Variants in STARD9 observed in about 807,000 individuals in gnomAD.
STARD9 encodes StAR related lipid transfer domain containing 9, also known as stAR-related lipid transfer protein 9.
A neutral mutation model predicts 399.8 loss-of-function variants in STARD9; 346 were observed. The observed-to-expected ratio is 0.87, with a 90% confidence interval of 0.79 to 0.95. The LOEUF is 0.95. STARD9 is among the 40% of genes least tolerant of loss of function. The probability of loss-of-function intolerance (pLI) is 0.00; values close to 1 mark genes in which losing one functional copy is unlikely to be tolerated. For synonymous variants in STARD9, 2,203 were observed against 2,143.5 expected, an observed-to-expected ratio of 1.03 and a Z score of -0.77; for missense variants, 5,832 against 5,667.5, an observed-to-expected ratio of 1.03 and a Z score of -0.93.
At chr15:42,581,315 A>C in intron 1 of STARD9, 1 of 1,275,238 alleles carries the variant, frequency 7.8e-7, no homozygotes, top group Non-Finnish European at 1.1e-6. Flanking sequence ...GATCCAACAG[A>C]AACTTTCTAT....
chr15:42,676,512 A>G (rs1344759916), intron 20 of STARD9, among the ~76,000 whole-genome samples: 2 of 152,230 alleles, frequency 1.3e-5, no homozygotes, highest in Non-Finnish European at 2.9e-5. Context: ...TATAGGAACA[A>G]TATGAAAATA....
At chr15:42,666,041 C>T (rs1356120406) in intron 15 of STARD9, among the ~76,000 whole-genome samples, 193 bp downstream of exon 15, 3 of 152,196 alleles carry the variant, frequency 2.0e-5, no homozygotes, top group Non-Finnish European at 2.9e-5. Context: ...TTCTGACTTT[C>T]TGTATTGTTC....
At chr15:42,711,438 G>A (rs936839162) in intron 26 of STARD9, among the ~76,000 whole-genome samples, 1 of 152,300 alleles carries the variant, frequency 6.6e-6, no homozygotes. Flanking sequence ...ACTGCACCCA[G>A]CTCCACATAG....
chr15:42,602,774 T>C (rs963831217), intron 3 of STARD9, among the ~76,000 whole-genome samples: 3 of 152,346 alleles, frequency 2.0e-5, no homozygotes, highest in South Asian at 4.1e-4. Context: ...ATCAGCCTGA[T>C]TGGTTGTAGA....
intron 9 of STARD9, among the ~76,000 whole-genome samples, chr15:42,658,594 T>G (rs1472888010): frequency 6.6e-6 from 1 of 151,850 alleles, no homozygotes; most frequent in African/African-American, 2.4e-5. Context: ...GTGATTCTCC[T>G]GCCTCAGCCA....
intron 20 of STARD9, 109 bp from the exon 21 acceptor site, chr15:42,681,313 C>T (rs1475374443): frequency 2.6e-6 from 3 of 1,166,364 alleles, no homozygotes. Context: ...AAAGCACTCT[C>T]TACCCTGTTG....
At chr15:42,616,483 A>T (rs1203151437) in intron 3 of STARD9, among the ~76,000 whole-genome samples, 4 of 152,218 alleles carry the variant, frequency 2.6e-5, no homozygotes, top group Non-Finnish European at 4.4e-5. Flanking sequence ...GCCTTTCCTG[A>T]TAACTCTGCC....
intron 3 of STARD9, among the ~76,000 whole-genome samples, chr15:42,602,632 CTGAT>C (rs1448969851): frequency 4.6e-5 from 7 of 152,180 alleles, no homozygotes; most frequent in African/African-American, 1.7e-4. Context: ...TGCAATCTGT[CTGAT>C]TGGTTGCAGA....
chr15:42,690,385 G>T lies in STARD9; in HGVS notation c.8807G>T (p.Gly2936Val), dbSNP rs115491632. Residue 2936 changes from glycine (G) to valine (V), a missense_variant, in exon 23 of 33, where the codon GGC (glycine) becomes GTC (valine). Gly to Val is a moderately radical substitution (Grantham distance 109). Coordinates refer to ENST00000290607, the MANE Select transcript of STARD9 (RefSeq NM_020759.3). ...CCTGTCTTCTCAAGGAACCCTGAAG[G>T]CAGCAGGACTCTCAGCCCGTCTAGA... ...DGPVFSRNPE[G>V]SRTLSPSRGK... is the part of the protein sequence containing the mutation. 9.8e-4 allele frequency: 1,510 copies of T among 1,535,042 alleles called. 7 individuals are homozygous for T. The African/African-American group carries it at 0.019, about 20-fold the overall frequency.
At chr15:42,662,697 G>C (rs1436578663) in intron 10 of STARD9, 97 bp from the exon 11 acceptor site, 2 of 729,092 alleles carry the variant, frequency 2.7e-6, no homozygotes, top group Admixed American at 5.1e-5. Context: ...GTCCTTTACA[G>C]CATGATATAC....
Position 42,685,228 on chromosome 15 carries a change from A to G in STARD9, c.3650A>G (p.Asp1217Gly), listed in dbSNP as rs992722803. ...GATGCAGAGGAAGAACTGGGGGAAG[A>G]TCAGCAAGAAGAACCTTTCCCTGGT... ...LIDAEEELGE[D>G]QQEEPFPGSA... Residue 1217 changes from aspartate to glycine, a missense_variant, in exon 23 of 33, where the codon GAT becomes GGT. This residue lies in a region of STARD9 where 5,828 missense variants were observed against 5,651.1 expected (regional missense o/e 1.03). Transcript: ENST00000290607. 1 of 1,537,174 alleles carries G rather than the reference A, an allele frequency of 6.5e-7. No homozygotes were observed. The highest frequency in any genetic ancestry group is 8.7e-7 in the Non-Finnish European group (1 of 1,146,936).
chr15:42,606,859 T>A (rs1019048805), intron 3 of STARD9, among the ~76,000 whole-genome samples: 2 of 152,076 alleles, frequency 1.3e-5, no homozygotes, highest in African/African-American at 4.8e-5. Flanking sequence ...ACCCAGCTAC[T>A]CTCTAAGGCA....
intron 9 of STARD9, among the ~76,000 whole-genome samples, chr15:42,652,981 T>A (rs751510497): frequency 1.3e-5 from 2 of 152,150 alleles, no homozygotes; most frequent in Non-Finnish European, 2.9e-5. Context: ...CCCGGCCCTG[T>A]TTCTTTTCCT....
intron 3 of STARD9, among the ~76,000 whole-genome samples, chr15:42,612,086 A>C (rs2058861671): frequency 6.6e-6 from 1 of 152,172 alleles, no homozygotes; most frequent in Non-Finnish European, 1.5e-5. Context: ...ATCCTGTCTC[A>C]GGGCCTTAGC....
At chr15:42,648,452 C>T (rs185622584) in intron 7 of STARD9, among the ~76,000 whole-genome samples, 1 of 152,258 alleles carries the variant, frequency 6.6e-6, no homozygotes. Flanking sequence ...CATGAGCCCC[C>T]ATACCCAGCC....
chr15:42,719,583 C>T lies in STARD9; in HGVS notation c.*9C>T, dbSNP rs547182963. ...CCTTCCTTGGTAGGTAGCATCTCACCGTCAAGATGGTGCTGCTGAGATGCA... is the reference window on the plus strand; with the variant it reads ...CCTTCCTTGGTAGGTAGCATCTCACTGTCAAGATGGTGCTGCTGAGATGCA... On this transcript the variant is annotated 3_prime_UTR_variant, in exon 33 of 33. Transcript: ENST00000290607. The T allele has an allele frequency of 3.2e-5, 48 of 1,509,572 alleles. No homozygotes were observed. The highest frequency in any genetic ancestry group is 2.2e-4 in the Admixed American group (11 of 50,912). 93.5% of individuals were successfully genotyped at this position (1,509,572 alleles called of 1,614,324 possible).
At position 42,693,606 on chromosome 15, in the gene STARD9, G is replaced by A. The variant is rs746274819; in HGVS notation, c.12028G>A (p.Gly4010Arg). 33 of 1,537,094 alleles carry A rather than the reference G, an allele frequency of 2.1e-5. No homozygotes were observed. The highest frequency in any genetic ancestry group is 5.9e-5 in the South Asian group (5 of 84,060). Residue 4010 changes from glycine (G) to arginine (R), a missense_variant, in exon 23 of 33, where the codon GGG (glycine) becomes AGG (arginine). By Grantham distance (125) the Gly-to-Arg change is moderately radical. Transcript: ENST00000290607. The stretch of plus-strand genomic sequence containing the variant: ...GCAGCTTCAGCCCAGGACAACTATC[G>A]GGGTCCAAAGCAGACTGCTGCCACC... ...PQQLQPRTTIGVQSRLLPPPL... is the reference protein window; with the variant it reads ...PQQLQPRTTIRVQSRLLPPPL...
chr15:42,599,108 G>C (rs1468983078), intron 3 of STARD9, among the ~76,000 whole-genome samples: 1 of 152,092 alleles, frequency 6.6e-6, no homozygotes, highest in East Asian at 1.9e-4. Context: ...ATTTTTAGTA[G>C]AATCAGGGTT....
At chr15:42,652,674 T>C in intron 9 of STARD9, 82 bp downstream of exon 9, 2 of 1,311,642 alleles carry the variant, frequency 1.5e-6, no homozygotes, top group Non-Finnish European at 2.1e-6. Context: ...TCCTATTTCT[T>C]TTTTTGTTTG....
Sources: allele counts gnomAD v4.1 joint callset (sites outside exome capture counted in the v4.1 genomes callset), GRCh38; gene constraint gnomAD v4.1.1; regional missense constraint gnomAD v4.1.1; transcripts MANE v1.5; gene names NCBI Gene and HGNC (gene_info 2026-07-23, HGNC 2026-07-21).